The following RTKN2 variants were observed in gnomAD, a reference collection of about 807,000 sequenced individuals.
RTKN2 encodes the protein rhotekin-2.
Under a neutral mutation model 71.5 loss-of-function variants are expected in RTKN2, and 69 were observed. The observed-to-expected ratio is 0.96, with a 90% CI of 0.79 to 1.18. The LOEUF (loss-of-function observed/expected upper bound fraction) is 1.18. Among genes scored for constraint, RTKN2 ranks in the 50% most tolerant of loss-of-function variants. The probability of loss-of-function intolerance (pLI) is 0.00; values close to 1 mark genes in which losing one functional copy is unlikely to be tolerated. For missense variants in RTKN2, 724 were observed against 719.7 expected (o/e 1.01, Z -0.07); for synonymous variants, 236 against 236.5 (o/e 1.00, Z 0.02).
intron 9 of RTKN2, among the ~76,000 whole-genome samples, chr10:62,215,632 A>G (rs1401183925): frequency 6.6e-6 from 1 of 152,056 alleles, no homozygotes; most frequent in Admixed American, 6.6e-5. Context: ...TCAGAGAAGA[A>G]ATGTTACGTT....
chr10:62,241,270 G>C, intron 3 of RTKN2, 75 bp from the exon 4 acceptor site: 1 of 804,614 alleles, frequency 1.2e-6, no homozygotes, highest in South Asian at 1.6e-5. Context: ...CTGAACCTCT[G>C]CATTCCATAA....
chr10:62,202,052 TATTTTTTAAAA>T (rs199776943), intron 10 of RTKN2, among the ~76,000 whole-genome samples: 1,562 of 152,286 alleles, frequency 0.01, 61 homozygotes, highest in Admixed American at 0.078. Flanking sequence ...TATTGTTAAA[TATTTTTTAAAA>T]ATTTAATGTT....
At chr10:62,203,400 A>G (rs112773686) in intron 10 of RTKN2, among the ~76,000 whole-genome samples, 1 of 150,534 alleles carries the variant, frequency 6.6e-6, no homozygotes, top group Non-Finnish European at 1.5e-5. Flanking sequence ...GTTGGAGTAT[A>G]CAGGTGAGAT....
chr10:62,187,496 C>T (rs1178307904), intron 8 of RTKN2, among the ~76,000 whole-genome samples: 13 of 152,162 alleles, frequency 8.5e-5, no homozygotes, highest in Admixed American at 8.5e-4. Flanking sequence ...GAGAATTACA[C>T]ACATTCAGTC....
chr10:62,208,590 C>T (rs1006462348), intron 9 of RTKN2, among the ~76,000 whole-genome samples: 15 of 152,074 alleles, frequency 9.9e-5, no homozygotes, highest in South Asian at 4.1e-4. Context: ...TAAAAATGAA[C>T]TCATTGGTCA....
intron 10 of RTKN2, among the ~76,000 whole-genome samples, chr10:62,201,072 G>T (rs184883528): frequency 6.6e-6 from 1 of 151,904 alleles, no homozygotes; most frequent in Non-Finnish European, 1.5e-5. Context: ...TAGTTCCTAC[G>T]TATCTGTATA....
intron 6 of RTKN2, among the ~76,000 whole-genome samples, chr10:62,234,508 G>C (rs77152932): frequency 1.6e-5 from 1 of 64,406 alleles, no homozygotes; most frequent in African/African-American, 5.9e-5. Flanking sequence ...AAAAAAAAAA[G>C]AAAAAGAAAA....
intron 2 of RTKN2, among the ~76,000 whole-genome samples, chr10:62,261,841 C>A (rs891223993): frequency 2.6e-5 from 4 of 152,082 alleles, no homozygotes; most frequent in African/African-American, 9.7e-5. Context: ...CCAACAGTCA[C>A]TATTGTCTAA....
Position 62,262,647 on chromosome 10 carries a change from T to C in RTKN2, c.235A>G (p.Ile79Val), listed in dbSNP as rs547853576. 1.9e-6 allele frequency: 3 copies of C among 1,607,314 alleles called. No homozygotes were observed. Among genetic ancestry groups the C allele is most frequent in the Non-Finnish European group, 2.6e-6 (3 of 1,176,216 alleles). Residue 79 changes from isoleucine to valine, a missense_variant, in exon 2 of 12, where the codon ATT becomes GTT. By Grantham distance (29) the Ile-to-Val change is conservative. Coordinates refer to ENST00000373789, the MANE Select transcript of RTKN2 (RefSeq NM_145307.4). ...AACCATCTTCCAGTCTGATTTGCAA[T>C]CTGTTCTTCTAATTTCTGTAGCTCC... ...TSELQKLEEQ[I>V]ANQTGRCDVK...
chr10:62,200,938 TTTTTA>T (rs1322306270), intron 10 of RTKN2, among the ~76,000 whole-genome samples: 61 of 152,264 alleles, frequency 4.0e-4, no homozygotes, highest in Middle Eastern at 3.4e-3. Flanking sequence ...TGGACATTAA[TTTTTA>T]TTTTAATTAT....
chr10:62,218,369 T>A, intron 7 of RTKN2, 68 bp from the exon 8 acceptor site: 1 of 1,050,436 alleles, frequency 9.5e-7, no homozygotes, highest in Non-Finnish European at 1.4e-6. Context: ...TCATCATACA[T>A]TTTGATTTTT....
At chr10:62,236,893 T>G (rs778583179) in intron 5 of RTKN2, among the ~76,000 whole-genome samples, 1 of 149,646 alleles carries the variant, frequency 6.7e-6, no homozygotes. Context: ...TTCTCAATTA[T>G]ATGTGGAATA....
At chr10:62,246,620 C>A (rs994091302) in intron 2 of RTKN2, among the ~76,000 whole-genome samples, 7 of 151,900 alleles carry the variant, frequency 4.6e-5, no homozygotes, top group African/African-American at 1.7e-4. Context: ...AATTAACAAA[C>A]TAAGATGAGA....
intron 8 of RTKN2, among the ~76,000 whole-genome samples, chr10:62,184,617 G>A (rs1327676819): frequency 6.6e-6 from 1 of 152,154 alleles, no homozygotes; most frequent in Non-Finnish European, 1.5e-5. Flanking sequence ...AACAGAGGCT[G>A]GATATTCATG....
chr10:62,210,077 C>A (rs1226122839), intron 9 of RTKN2, among the ~76,000 whole-genome samples: 2 of 152,152 alleles, frequency 1.3e-5, no homozygotes, highest in African/African-American at 4.8e-5. Flanking sequence ...TACACCCCCA[C>A]CAACAATGTA....
intron 1 of RTKN2, among the ~76,000 whole-genome samples, chr10:62,265,004 T>C (rs1842843236): frequency 6.6e-6 from 1 of 152,022 alleles, no homozygotes; most frequent in Non-Finnish European, 1.5e-5. Flanking sequence ...TTCTATCACA[T>C]AAATGAAGAG....
At position 62,217,266 on chromosome 10, in the gene RTKN2, A is replaced by G; in HGVS notation, c.889-17T>C. On this transcript the variant is annotated splice_polypyrimidine_tract_variant and intron_variant, in intron 8 of 11. Transcript: ENST00000373789. ...TACCATTTGCTGAAAAAAAAAAAAA[A>G]AAAATCAAGAGACTATCAATTTTAA... 2 of 1,464,352 alleles carry G rather than the reference A, an allele frequency of 1.4e-6. No homozygotes were observed. The highest frequency in any genetic ancestry group is 1.4e-5 in the South Asian group (1 of 73,354). The allele number at this position is 1,464,352 out of a possible 1,614,324, so 90.7% of individuals were successfully genotyped here.
chr10:62,201,320 C>A (rs1455302671), intron 10 of RTKN2, among the ~76,000 whole-genome samples: 1 of 152,030 alleles, frequency 6.6e-6, no homozygotes, highest in Non-Finnish European at 1.5e-5. Flanking sequence ...TAAAAATCCA[C>A]CACCATTAGT....
chr10:62,249,546 C>G (rs373792962), intron 2 of RTKN2, among the ~76,000 whole-genome samples: 1 of 152,000 alleles, frequency 6.6e-6, no homozygotes, highest in African/African-American at 2.4e-5. Flanking sequence ...CTAAAGAACT[C>G]AATGAATGTT....
Sources: gnomAD v4.1 joint callset for allele counts (sites outside exome capture counted in the v4.1 genomes callset) on GRCh38, gnomAD v4.1.1 for gene constraint, MANE v1.5 for transcripts, NCBI Gene and HGNC (gene_info 2026-07-23, HGNC 2026-07-21) for gene names.